MTERF3: variants seen among roughly 807,000 people sequenced by gnomAD.
The protein encoded by MTERF3 is transcription termination factor 3, mitochondrial.
A neutral mutation model predicts 40.5 loss-of-function variants in MTERF3; 40 were observed. That is an observed-to-expected ratio of 0.99 (90% CI 0.77 to 1.29). The LOEUF (loss-of-function observed/expected upper bound fraction) is 1.29. Among genes scored for constraint, MTERF3 ranks in the 50% most tolerant of loss-of-function variants. The pLI is 0.00. For synonymous variants in MTERF3, 158 were observed against 166.6 expected (o/e 0.95, Z 0.40); for missense variants, 452 against 478.2 (o/e 0.95, Z 0.51).
At chr8:96,242,005 A>C (rs981062454) in intron 7 of MTERF3, among the ~76,000 whole-genome samples, 1 of 152,188 alleles carries the variant, frequency 6.6e-6, no homozygotes, top group Admixed American at 6.5e-5. Flanking sequence ...GATCATAGTT[A>C]TTAAGTTATA....
intron 7 of MTERF3, among the ~76,000 whole-genome samples, chr8:96,242,919 A>G (rs1048060534): frequency 2.6e-5 from 4 of 152,192 alleles, no homozygotes; most frequent in African/African-American, 4.8e-5. Context: ...AGGGAAAAAC[A>G]AATTGTCATT....
chr8:96,255,963 G>C (rs1012609792), intron 3 of MTERF3, among the ~76,000 whole-genome samples: 1 of 152,136 alleles, frequency 6.6e-6, no homozygotes, highest in Non-Finnish European at 1.5e-5. Context: ...AGAAATCTGA[G>C]AGATTAGAGG....
intron 4 of MTERF3, among the ~76,000 whole-genome samples, chr8:96,247,073 A>G (rs972631399): frequency 1.3e-5 from 2 of 152,102 alleles, no homozygotes; most frequent in Admixed American, 6.6e-5. Flanking sequence ...CCCAGGTTCA[A>G]GTGACTCTCC....
intron 7 of MTERF3, among the ~76,000 whole-genome samples, chr8:96,240,317 A>T (rs1170807715): frequency 6.6e-6 from 1 of 152,158 alleles, no homozygotes; most frequent in Non-Finnish European, 1.5e-5. Flanking sequence ...TTGAGAGCAG[A>T]ACCCAGAAAT....
Position 96,251,072 on chromosome 8 carries a change from T to C in MTERF3, c.511A>G (p.Lys171Glu), listed in dbSNP as rs1425286261. ...LLGVDLSKIE[K>E]HPEAANLLLR... ...AGGAGGTTTGCTGCTTCTGGATGTT[T>C]TTCTATCTTGGACAAATCCACGCCT... Residue 171 changes from lysine to glutamate, a missense_variant, in exon 4 of 8, where the codon AAA (lysine) becomes GAA (glutamate). Lys to Glu is a moderately conservative substitution (Grantham distance 56). Coordinates refer to ENST00000287025, the MANE Select transcript of MTERF3 (RefSeq NM_015942.5). 2 of 1,586,268 alleles carry C rather than the reference T, an allele frequency of 1.3e-6. No homozygotes were observed. The highest frequency in any genetic ancestry group is 1.7e-6 in the Non-Finnish European group (2 of 1,173,576).
chr8:96,247,236 G>A (rs1179507586), intron 4 of MTERF3, among the ~76,000 whole-genome samples: 3 of 152,216 alleles, frequency 2.0e-5, no homozygotes, highest in Admixed American at 6.5e-5. Context: ...GCCTCCCAAA[G>A]TGCTGGGATT....
At chr8:96,243,204 A>G (rs1048127410) in intron 7 of MTERF3, among the ~76,000 whole-genome samples, 1 of 152,212 alleles carries the variant, frequency 6.6e-6, no homozygotes. Flanking sequence ...TAGCAAATGG[A>G]GTAGAGGGAT....
chr8:96,251,742 TCA>T lies in MTERF3; in HGVS notation c.488-649_488-648del, dbSNP rs1241536130. Reference sequence around the variant, plus strand: ...CCACATTTAAAACTTCTTAATGGCATCACACAGTCAAAAAAAAATCGTCATAT... The same window carrying T: ...CCACATTTAAAACTTCTTAATGGCATCACAGTCAAAAAAAAATCGTCATAT... On this transcript the variant is annotated intron_variant, in intron 3 of 7. Coordinates refer to ENST00000287025, the MANE Select transcript of MTERF3 (RefSeq NM_015942.5). 1.2e-4 allele frequency among the ~76,000 whole-genome samples: 18 copies of T among 152,252 alleles called. No homozygotes were observed. In the East Asian group the frequency reaches 3.3e-3, roughly 28 times the overall value.
At position 96,243,907 on chromosome 8, in the gene MTERF3, G is replaced by A; in HGVS notation, c.1059+12C>T. The A allele has an allele frequency of 6.2e-7, 1 of 1,612,852 alleles. No individual in the cohort carries two copies. Among genetic ancestry groups the A allele is most frequent in the South Asian group, 1.1e-5 (1 of 90,834 alleles). ...TGGCAGCGCTTACAGAGAGAGCTGT[G>A]AGTGGCATTACCTGTGGGAACTTGA... On this transcript the variant is annotated intron_variant, in intron 7 of 7. Transcript: ENST00000287025.
Position 96,257,001 on chromosome 8 carries a change from CAT to C in MTERF3, c.446_447del (p.Tyr149CysfsTer5), listed in dbSNP as rs1441347197. 1.5e-5 allele frequency: 24 copies of C among 1,613,818 alleles called. No homozygotes were observed. The highest frequency in any genetic ancestry group is 6.7e-5 in the Admixed American group (4 of 59,968). On this transcript the variant is annotated frameshift_variant, in exon 3 of 8. Transcript: ENST00000287025. LOFTEE classifies it high-confidence loss of function. ...LPPASFTLRD[Y>X]VDHSETLQKL... is the part of the protein sequence containing the mutation. ...TTCTGCAGAGTCTCAGAATGATCCA[CAT>C]AGTCTCGAAGTGTGAATGAAGCTGG...
At position 96,240,220 on chromosome 8, in the gene MTERF3, C is replaced by G. The variant is rs113974828; in HGVS notation, c.1060-535G>C. ...CCGAGATCGCGCCACTGCACTCCAG[C>G]CTGGGCAACAGAGTAAGACTCCATC... On this transcript the variant is annotated intron_variant, in intron 7 of 7. Coordinates refer to ENST00000287025, the MANE Select transcript of MTERF3 (RefSeq NM_015942.5). Among the ~76,000 whole-genome samples the G allele has an allele frequency of 8.9e-3, 1,353 of 151,658 alleles. 18 individuals carry two copies. The highest frequency in any genetic ancestry group is 0.031 in the African/African-American group (1,264 of 41,282).
At position 96,258,544 on chromosome 8, in the gene MTERF3, A is replaced by T. The variant is rs757024169; in HGVS notation, c.147T>A (p.Ser49=). The T allele has an allele frequency of 1.9e-6, 3 of 1,614,226 alleles. No individual in the cohort carries two copies. The highest frequency in any genetic ancestry group is 2.5e-6 in the Non-Finnish European group (3 of 1,180,020). ...HGFSAQPQIS[S]DNCFLQWGFK... The stretch of plus-strand genomic sequence containing the variant: ...ATCCCCACTGGAGAAAGCAATTGTC[A>T]GAGGATATCTGAGGCTGAGCAGAAA... The change falls in exon 2 of 8, where the codon TCT becomes TCA. Residue 49 remains serine, a synonymous_variant. Transcript: ENST00000287025.
At chr8:96,241,335 G>A (rs976849551) in intron 7 of MTERF3, among the ~76,000 whole-genome samples, 3 of 151,628 alleles carry the variant, frequency 2.0e-5, no homozygotes, top group African/African-American at 2.4e-5. Flanking sequence ...ACTTGAACCC[G>A]GGAGGCGGCG....
intron 3 of MTERF3, among the ~76,000 whole-genome samples, chr8:96,253,025 C>G (rs544900406): frequency 6.6e-6 from 1 of 152,146 alleles, no homozygotes; most frequent in Non-Finnish European, 1.5e-5. Flanking sequence ...GAATAATACA[C>G]GATTCTAACC....
At chr8:96,260,470 ATAAC>A (rs1810362996) in intron 1 of MTERF3, among the ~76,000 whole-genome samples, 1 of 151,972 alleles carries the variant, frequency 6.6e-6, no homozygotes, top group Admixed American at 6.6e-5. Flanking sequence ...GGTGGGGTCA[ATAAC>A]TATTCTTCAA....
At chr8:96,258,329 G>T in intron 2 of MTERF3, 28 bp downstream of exon 2, 1 of 1,569,854 alleles carries the variant, frequency 6.4e-7, no homozygotes, top group African/African-American at 1.4e-5. Context: ...GTAGGGAAAG[G>T]GAGACTTTTC....
chr8:96,257,293 A>G, intron 2 of MTERF3, 179 bp from the exon 3 acceptor site: 1 of 495,494 alleles, frequency 2.0e-6, no homozygotes, highest in Non-Finnish European at 3.4e-6. Flanking sequence ...CTATTTAGAC[A>G]GACTAACTAC....
intron 3 of MTERF3, among the ~76,000 whole-genome samples, chr8:96,253,878 T>C (rs989119932): frequency 1.3e-5 from 2 of 150,160 alleles, no homozygotes; most frequent in African/African-American, 2.4e-5. Context: ...CCAGATGGCA[T>C]GTGCCTATAG....
intron 4 of MTERF3, among the ~76,000 whole-genome samples, chr8:96,250,160 G>C (rs1810097677): frequency 6.6e-6 from 1 of 151,880 alleles, no homozygotes; most frequent in South Asian, 2.1e-4. Context: ...AGAAAACAAG[G>C]AACAACCAAA....
Sources: allele counts gnomAD v4.1 joint callset (sites outside exome capture counted in the v4.1 genomes callset), GRCh38; gene constraint gnomAD v4.1.1; transcripts MANE v1.5; gene names NCBI Gene and HGNC (gene_info 2026-07-23, HGNC 2026-07-21).